DPP10: variants seen among roughly 807,000 people sequenced by gnomAD.
DPP10 encodes the protein dipeptidyl peptidase like 10, also known as inactive dipeptidyl peptidase 10.
Under a neutral mutation model 120.9 loss-of-function variants are expected in DPP10, and 33 were observed. That is an observed-to-expected ratio of 0.27 (90% CI 0.21 to 0.37). The LOEUF (loss-of-function observed/expected upper bound fraction) is 0.37. Among genes scored for constraint, DPP10 ranks in the 10% least tolerant of loss-of-function variants. The pLI is 1.00. For missense variants in DPP10, 816 were observed against 942.8 expected (o/e 0.87, Z 1.76); for synonymous variants, 337 against 326.1 (o/e 1.03, Z -0.36).
intron 1 of DPP10, among the ~76,000 whole-genome samples, chr2:114,883,172 C>T (rs908127197): frequency 6.6e-6 from 1 of 152,154 alleles, no homozygotes; most frequent in Non-Finnish European, 1.5e-5. Flanking sequence ...CCCAGGTTAG[C>T]TAGGCCAGTA....
At chr2:115,621,281 G>T (rs539229858) in intron 5 of DPP10, among the ~76,000 whole-genome samples, 1 of 152,068 alleles carries the variant, frequency 6.6e-6, no homozygotes, top group African/African-American at 2.4e-5. Context: ...GTGGAAAGAA[G>T]GATAAATACT....
chr2:115,840,609 C>G, intron 24 of DPP10, 141 bp from the exon 25 acceptor site: 1 of 787,972 alleles, frequency 1.3e-6, no homozygotes, highest in Non-Finnish European at 2.0e-6. Context: ...CAGGCGTGAG[C>G]CACCGTGCCC....
At chr2:115,241,113 A>AC (rs2058255345) in intron 1 of DPP10, among the ~76,000 whole-genome samples, 1 of 152,160 alleles carries the variant, frequency 6.6e-6, no homozygotes, top group Admixed American at 6.5e-5. Flanking sequence ...TACTAAAAAT[A>AC]CAAAAATTAG....
At chr2:115,471,253 G>A (rs972319372) in intron 3 of DPP10, among the ~76,000 whole-genome samples, 2 of 152,188 alleles carry the variant, frequency 1.3e-5, no homozygotes, top group Admixed American at 6.5e-5. Flanking sequence ...TACCTTGAGA[G>A]TCAGCTAAGT....
At chr2:114,850,195 G>T (rs889440685) in intron 1 of DPP10, among the ~76,000 whole-genome samples, 4 of 151,272 alleles carry the variant, frequency 2.6e-5, no homozygotes, top group African/African-American at 7.3e-5. Context: ...TAGTTTTTTT[G>T]TGTGTGTTTA....
intron 1 of DPP10, among the ~76,000 whole-genome samples, chr2:115,264,464 T>C (rs2059379735): frequency 6.6e-6 from 1 of 152,214 alleles, no homozygotes; most frequent in South Asian, 2.1e-4. Flanking sequence ...ACATCCTGGT[T>C]GGATACAGCT....
At chr2:114,617,060 C>T (rs569236111) in intron 1 of DPP10, among the ~76,000 whole-genome samples, 2 of 152,162 alleles carry the variant, frequency 1.3e-5, no homozygotes, top group South Asian at 4.1e-4. Context: ...ATTCATCAAG[C>T]ACACGTTCTA....
intron 12 of DPP10, among the ~76,000 whole-genome samples, chr2:115,762,908 C>A (rs1172041838): frequency 1.3e-5 from 2 of 149,486 alleles, no homozygotes; most frequent in African/African-American, 4.9e-5. Flanking sequence ...CAGGACCTAA[C>A]CAAACTAGAA....
chr2:114,789,584 T>C (rs1031141177), intron 1 of DPP10, among the ~76,000 whole-genome samples: 2 of 152,188 alleles, frequency 1.3e-5, no homozygotes, highest in Non-Finnish European at 2.9e-5. Flanking sequence ...TCCCCAGGGA[T>C]TCACATGCAC....
chr2:114,866,763 C>G (rs576577079), intron 1 of DPP10, among the ~76,000 whole-genome samples: 1 of 152,134 alleles, frequency 6.6e-6, no homozygotes, highest in East Asian at 1.9e-4. Flanking sequence ...ATTTAGTAGC[C>G]TGTAACCTAA....
chr2:115,059,549 C>T (rs1706226542), intron 1 of DPP10, among the ~76,000 whole-genome samples: 1 of 152,024 alleles, frequency 6.6e-6, no homozygotes, highest in Non-Finnish European at 1.5e-5. Flanking sequence ...CCAACCATGA[C>T]AACTGGTTCA....
At chr2:115,225,346 AG>A (rs1218857178) in intron 1 of DPP10, among the ~76,000 whole-genome samples, 2 of 152,136 alleles carry the variant, frequency 1.3e-5, no homozygotes, top group South Asian at 4.1e-4. Flanking sequence ...GTGCAACGTG[AG>A]AGGCCGATCT....
intron 1 of DPP10, among the ~76,000 whole-genome samples, chr2:115,036,970 CTT>C (rs1704267295): frequency 6.6e-6 from 1 of 152,050 alleles, no homozygotes; most frequent in African/African-American, 2.4e-5. Context: ...GACCAGGTGA[CTT>C]TTTTTCTGAG....
chr2:115,213,681 G>A (rs1013158709), intron 1 of DPP10, among the ~76,000 whole-genome samples: 2 of 151,958 alleles, frequency 1.3e-5, no homozygotes, highest in African/African-American at 2.4e-5. Flanking sequence ...TTGTATTACT[G>A]CAGTTAATAT....
At chr2:115,243,024 AAC>A (rs34251958) in intron 1 of DPP10, among the ~76,000 whole-genome samples, 72,134 of 151,832 alleles carry the variant, frequency 0.48, 17,786 homozygotes, top group Non-Finnish European at 0.56. Flanking sequence ...AGTGTTTTAT[AAC>A]ACACACATAC....
At chr2:115,347,764 A>G (rs998719841) in intron 3 of DPP10, among the ~76,000 whole-genome samples, 1 of 152,216 alleles carries the variant, frequency 6.6e-6, no homozygotes, top group East Asian at 1.9e-4. Flanking sequence ...TAGTTTGCTG[A>G]GAATGATGGT....
intron 5 of DPP10, among the ~76,000 whole-genome samples, chr2:115,628,420 C>A (rs2085545356): frequency 1.3e-5 from 2 of 152,070 alleles, no homozygotes; most frequent in African/African-American, 4.8e-5. Context: ...GGATATTAGA[C>A]CCTTGTCAGA....
At chr2:114,829,950 C>T (rs1034011092) in intron 1 of DPP10, among the ~76,000 whole-genome samples, 2 of 151,990 alleles carry the variant, frequency 1.3e-5, no homozygotes, top group Non-Finnish European at 2.9e-5. Context: ...GCTGCCGCTG[C>T]GGCCTGTCTT....
In DPP10 at chr2:115,511,734, T is replaced by C. The variant is rs866984904; in HGVS notation, c.366+12130T>C. ...TCTTCTTCTTCTTCTTCTTCTTCTT[T>C]TTTTTTTTTTTGACACAGGGTCTCA... On this transcript the variant is annotated intron_variant, in intron 4 of 25. Transcript: ENST00000410059. 5.0e-4 allele frequency among the ~76,000 whole-genome samples: 70 copies of C among 140,392 alleles called. 1 individual carries two copies. In the East Asian group the frequency reaches 8.6e-3, roughly 17 times the overall value. 92.1% of individuals were successfully genotyped at this position (140,392 alleles called of 152,430 possible).
Sources: allele counts gnomAD v4.1 joint callset (sites outside exome capture counted in the v4.1 genomes callset), GRCh38; gene constraint gnomAD v4.1.1; transcripts MANE v1.5; gene names NCBI Gene and HGNC (gene_info 2026-07-23, HGNC 2026-07-21).